Variants in LMNB1 observed in about 807,000 individuals in gnomAD.
The protein encoded by LMNB1 is lamin B1, also known as lamin-B1.
A neutral mutation model predicts 67.1 loss-of-function variants in LMNB1; 23 were observed. The observed-to-expected ratio is 0.34, with a 90% CI of 0.25 to 0.49. The LOEUF is 0.49. Among genes scored for constraint, LMNB1 ranks in the 20% least tolerant of loss-of-function variants. LMNB1 has a pLI of 0.99. For synonymous variants in LMNB1, 281 were observed against 282.9 expected, an observed-to-expected ratio of 0.99 and a Z score of 0.07; for missense variants, 634 against 746.5, an observed-to-expected ratio of 0.85 and a Z score of 1.76.
At chr5:126,821,993 C>T (rs1751881617) in intron 7 of LMNB1, among the ~76,000 whole-genome samples, 1 of 149,232 alleles carries the variant, frequency 6.7e-6, no homozygotes. Flanking sequence ...AGAGAATAGG[C>T]TCTAAGGTCT....
chr5:126,836,298 A>G lies in LMNB1; in HGVS notation c.*34A>G, dbSNP rs752623626. 3 of 1,459,538 alleles carry G rather than the reference A, an allele frequency of 2.1e-6. No individual in the cohort carries two copies. Among genetic ancestry groups the G allele is most frequent in the South Asian group, 2.3e-5 (2 of 87,664 alleles). 90.4% of individuals were successfully genotyped at this position (1,459,538 alleles called of 1,614,324 possible). ...ACTGTCTTCCTCAAAATAAAGAAGT[A>G]TGGTAATCTTTACCTGTATACAGTG... On this transcript the variant is annotated 3_prime_UTR_variant, in exon 11 of 11. Coordinates refer to ENST00000261366, the MANE Select transcript of LMNB1 (RefSeq NM_005573.4).
chr5:126,812,718 C>CTTTTTTTTTTTTTTTTTTTTTTTTTTTTT (rs11430160), intron 5 of LMNB1, among the ~76,000 whole-genome samples: 3 of 117,156 alleles, frequency 2.6e-5, no homozygotes, highest in African/African-American at 3.4e-5. Flanking sequence ...CTTTATTTTA[C>CTTTTTTTTTTTTTTTTTTTTTTTTTTTTT]TTTTTTTTTT....
rs11430160 is a variant in LMNB1 at position 126,812,718 on chromosome 5, C to CTTT, written c.939+842_939+844dup. ...CCACATGAGAATAAACTTTATTTTA[C>CTTT]TTTTTTTTTTTTTTTTTTTTTTTTC... On this transcript the variant is annotated intron_variant, in intron 5 of 10. Coordinates refer to ENST00000261366, the MANE Select transcript of LMNB1 (RefSeq NM_005573.4). Among the ~76,000 whole-genome samples the CTTT allele has an allele frequency of 1.1e-3, 132 of 117,132 alleles. 3 individuals are homozygous for CTTT. Among genetic ancestry groups the CTTT allele is most frequent in the African/African-American group, 2.9e-3 (84 of 29,414 alleles). 76.8% of individuals were successfully genotyped at this position (117,132 alleles called of 152,430 possible).
chr5:126,813,339 C>G (rs1410618812), intron 5 of LMNB1, among the ~76,000 whole-genome samples: 1 of 152,180 alleles, frequency 6.6e-6, no homozygotes, highest in Non-Finnish European at 1.5e-5. Context: ...TTCCATGTAA[C>G]CACAGATCTA....
At chr5:126,793,586 A>G (rs749950913) in intron 1 of LMNB1, among the ~76,000 whole-genome samples, 40 of 152,268 alleles carry the variant, frequency 2.6e-4, no homozygotes, top group Non-Finnish European at 4.7e-4. Context: ...AGAAATTGTG[A>G]TCACAAGGCC....
intron 1 of LMNB1, among the ~76,000 whole-genome samples, chr5:126,787,546 A>ATATATATATATATATATTT: frequency 1.1e-3 from 73 of 65,520 alleles, no homozygotes; most frequent in African/African-American, 1.5e-3. Flanking sequence ...ATATATATAT[A>ATATATATATATATATATTT]TTTTTTTTTT....
chr5:126,788,939 G>C (rs1258269138), intron 1 of LMNB1, among the ~76,000 whole-genome samples: 1 of 146,074 alleles, frequency 6.8e-6, no homozygotes, highest in Non-Finnish European at 1.5e-5. Flanking sequence ...TTGTTCTCTT[G>C]CCGGTGCTGG....
chr5:126,802,109 C>T (rs912168235), intron 1 of LMNB1, among the ~76,000 whole-genome samples: 35 of 152,012 alleles, frequency 2.3e-4, no homozygotes, highest in African/African-American at 8.5e-4. Flanking sequence ...TTTTCCTCTT[C>T]TGGACTAGTC....
chr5:126,836,966 C>A lies in LMNB1; in HGVS notation c.*702C>A, dbSNP rs1219587580. ...CGTTGTGTTTTTTAAGATAGTGTAA[C>A]TTGCTTAAATTTCTTATGTGACATT... is the stretch of plus-strand genomic sequence containing the variant. On this transcript the variant is annotated 3_prime_UTR_variant, in exon 11 of 11. Coordinates refer to ENST00000261366, the MANE Select transcript of LMNB1 (RefSeq NM_005573.4). 2.5e-6 allele frequency: 1 copy of A among 397,990 alleles called. No individual in the cohort carries two copies. Among genetic ancestry groups the A allele is most frequent in the African/African-American group, 2.1e-5 (1 of 48,544 alleles). The allele number at this position is 397,990 out of a possible 1,614,324, so 24.7% of individuals were successfully genotyped here.
intron 1 of LMNB1, among the ~76,000 whole-genome samples, chr5:126,786,014 G>A (rs1012293019): frequency 6.6e-6 from 1 of 151,752 alleles, no homozygotes; most frequent in African/African-American, 2.4e-5. Context: ...ACTCCCTTTG[G>A]GGGGTGGGGG....
chr5:126,832,734 C>T lies in LMNB1; in HGVS notation c.1652C>T (p.Pro551Leu), dbSNP rs867312895. Residue 551 changes from proline to leucine, a missense_variant, in exon 10 of 11, where the codon CCT (proline) becomes CTT (leucine). By Grantham distance (98) the Pro-to-Leu change is moderately conservative (BLOSUM62 -3). Coordinates refer to ENST00000261366, the MANE Select transcript of LMNB1 (RefSeq NM_005573.4). ...QRSTVFKTTI[P>L]EEEEEEEEAA... ...AGTACAGTCTTTAAAACAACCATAC[C>T]TGAAGAAGAGGAGGAGGAGGAAGAA... The T allele has an allele frequency of 1.9e-6, 3 of 1,613,078 alleles. No homozygotes were observed. Among genetic ancestry groups the T allele is most frequent in the Non-Finnish European group, 2.5e-6 (3 of 1,179,416 alleles).
chr5:126,796,186 C>T (rs190305498), intron 1 of LMNB1, among the ~76,000 whole-genome samples: 2 of 152,176 alleles, frequency 1.3e-5, no homozygotes, highest in Admixed American at 1.3e-4. Flanking sequence ...GCCTTAGCCT[C>T]CCAAAGTGCT....
chr5:126,820,217 A>C (rs1034777228), intron 6 of LMNB1, among the ~76,000 whole-genome samples: 1 of 152,194 alleles, frequency 6.6e-6, no homozygotes, highest in Non-Finnish European at 1.5e-5. Flanking sequence ...AGATAATTTT[A>C]ATATTATATC....
At chr5:126,834,286 A>G (rs538550948) in intron 10 of LMNB1, among the ~76,000 whole-genome samples, 1 of 151,258 alleles carries the variant, frequency 6.6e-6, no homozygotes, top group East Asian at 1.9e-4. Context: ...GCTCACCGCA[A>G]CCTCCACCTC....
At chr5:126,833,487 C>T (rs1356537933) in intron 10 of LMNB1, among the ~76,000 whole-genome samples, 1 of 152,180 alleles carries the variant, frequency 6.6e-6, no homozygotes, top group Non-Finnish European at 1.5e-5. Context: ...TTCATTAGCC[C>T]TAGTCCTGGT....
Position 126,822,840 on chromosome 5 carries a change from T to C in LMNB1, c.1446T>C (p.Tyr482=). The change falls in exon 8 of 11, where the codon TAT becomes TAC. Residue 482 remains tyrosine, a synonymous_variant. Transcript: ENST00000261366. ...IRKIGDTSVS[Y]KYTSRYVLKA... is the part of the protein sequence containing the mutation. Reference sequence around the variant, plus strand: ...AAATTGGAGACACATCAGTCAGTTATAAATATACCTCAAGATATGTGCTGA... The same window carrying C: ...AAATTGGAGACACATCAGTCAGTTACAAATATACCTCAAGATATGTGCTGA... 1.2e-6 allele frequency: 2 copies of C among 1,612,558 alleles called. No homozygotes were observed. The highest frequency in any genetic ancestry group is 1.7e-6 in the Non-Finnish European group (2 of 1,178,686).
At chr5:126,776,760 T>A (rs1750455457), upstream of LMNB1, 1 of 152,176 alleles carries the variant, frequency 6.6e-6, no homozygotes, top group South Asian at 2.1e-4. Flanking sequence ...CCCGGAAACC[T>A]CCGGGCTCCT....
In LMNB1 at chr5:126,836,720, T is replaced by C; in HGVS notation, c.*456T>C. On this transcript the variant is annotated 3_prime_UTR_variant, in exon 11 of 11. Transcript: ENST00000261366. ...AGCATTTTTCAATATATTGAACTTT[T>C]GTACTGAATTTTTTTGTAATAAGCA... The C allele has an allele frequency of 5.1e-6, 2 of 390,820 alleles. No individual in the cohort carries two copies. The highest frequency in any genetic ancestry group is 9.0e-6 in the Non-Finnish European group (2 of 222,050). 24.2% of individuals were successfully genotyped at this position (390,820 alleles called of 1,614,324 possible).
chr5:126,800,951 C>CTATATATATATATATATATATA (rs57113826), intron 1 of LMNB1, among the ~76,000 whole-genome samples: 3 of 47,312 alleles, frequency 6.3e-5, no homozygotes, highest in East Asian at 5.3e-4. Flanking sequence ...TGCAGCCAGA[C>CTATATATATATATATATATATA]TATATATATA....
Sources: allele counts gnomAD v4.1 joint callset (sites outside exome capture counted in the v4.1 genomes callset), GRCh38; gene constraint gnomAD v4.1.1; transcripts MANE v1.5; gene names NCBI Gene and HGNC (gene_info 2026-07-23, HGNC 2026-07-21).